KIF5C: variants seen among roughly 807,000 people sequenced by gnomAD.
KIF5C encodes the protein kinesin heavy chain isoform 5C.
A neutral mutation model predicts 125.2 loss-of-function variants in KIF5C; 18 were observed. That is an observed-to-expected ratio of 0.14 (90% confidence interval 0.10 to 0.21). KIF5C has a LOEUF of 0.21. KIF5C is among the 10% of genes least tolerant of loss of function. KIF5C has a pLI of 1.00. For missense variants in KIF5C, 780 were observed against 1,183.8 expected (o/e 0.66, Z 5.01); for synonymous variants, 405 against 434.0 (o/e 0.93, Z 0.83).
intron 16 of KIF5C, among the ~76,000 whole-genome samples, chr2:148,993,714 T>C (rs1184164713): frequency 6.6e-6 from 1 of 152,246 alleles, no homozygotes; most frequent in Non-Finnish European, 1.5e-5. Flanking sequence ...ATATTTTCCA[T>C]CTGCCTAGAA....
At chr2:148,904,967 T>C (rs1337983215) in intron 1 of KIF5C, among the ~76,000 whole-genome samples, 1 of 152,184 alleles carries the variant, frequency 6.6e-6, no homozygotes, top group East Asian at 1.9e-4. Flanking sequence ...TAGTGTTTAA[T>C]CTCTAATACT....
chr2:148,922,923 C>T (rs1012258795), intron 2 of KIF5C, among the ~76,000 whole-genome samples: 2 of 152,222 alleles, frequency 1.3e-5, no homozygotes, highest in African/African-American at 2.4e-5. Context: ...GTCAAAATAG[C>T]AGCAGGGAGA....
At chr2:148,964,453 G>A (rs1333129840) in intron 11 of KIF5C, among the ~76,000 whole-genome samples, 1 of 152,174 alleles carries the variant, frequency 6.6e-6, no homozygotes, top group Non-Finnish European at 1.5e-5. Context: ...AGGTGCTGGA[G>A]ATTAAAGGGT....
At position 149,024,711 on chromosome 2, in the gene KIF5C, G is replaced by A. The variant is rs747218504; in HGVS notation, c.*1641G>A. Reference sequence around the variant, plus strand: ...TTTTGTTTTTGGTGGGGAATAAGGAGAGAGAGGACGACAAATTCTATTGAA... The same window carrying A: ...TTTTGTTTTTGGTGGGGAATAAGGAAAGAGAGGACGACAAATTCTATTGAA... On this transcript the variant is annotated 3_prime_UTR_variant, in exon 26 of 26. Transcript: ENST00000435030. The A allele has an allele frequency of 1.3e-5, 2 of 152,438 alleles. No individual in the cohort carries two copies. The highest frequency in any genetic ancestry group is 6.6e-5 in the Admixed American group (1 of 15,266). The allele number at this position is 152,438 out of a possible 1,614,324, so 9.4% of individuals were successfully genotyped here. A position where few individuals can be genotyped will look rare whatever the true frequency, so the allele number is the denominator to read the frequency against.
chr2:148,905,696 T>TG (rs1156257876), intron 1 of KIF5C, among the ~76,000 whole-genome samples: 2 of 152,090 alleles, frequency 1.3e-5, no homozygotes, highest in African/African-American at 4.8e-5. Flanking sequence ...AAGGGAGAGA[T>TG]GGAGCCAGGG....
At chr2:148,933,222 C>T (rs2105094707) in intron 3 of KIF5C, among the ~76,000 whole-genome samples, 1 of 152,224 alleles carries the variant, frequency 6.6e-6, no homozygotes, top group East Asian at 1.9e-4. Flanking sequence ...GTCCCTCAAG[C>T]AAGCCATCCC....
chr2:148,930,339 T>TTG (rs1682148104), intron 3 of KIF5C, among the ~76,000 whole-genome samples: 1 of 151,988 alleles, frequency 6.6e-6, no homozygotes, highest in Admixed American at 6.5e-5. Flanking sequence ...TTTTTTTTTT[T>TTG]TCTTTAAATC....
At chr2:148,969,421 C>CTGTGTGTG (rs1453277661) in intron 11 of KIF5C, among the ~76,000 whole-genome samples, 10 of 74,542 alleles carry the variant, frequency 1.3e-4, no homozygotes, top group African/African-American at 5.2e-4. Context: ...GGAAGGTTTC[C>CTGTGTGTG]AGTGTGTGTG....
intron 1 of KIF5C, among the ~76,000 whole-genome samples, chr2:148,910,022 C>T (rs993198265): frequency 2.0e-5 from 3 of 152,120 alleles, no homozygotes; most frequent in African/African-American, 4.8e-5. Flanking sequence ...TAAGTGGCAG[C>T]TTTAATTTTG....
At chr2:148,991,741 C>T (rs1299775608) in intron 16 of KIF5C, among the ~76,000 whole-genome samples, 1 of 152,084 alleles carries the variant, frequency 6.6e-6, no homozygotes, top group Non-Finnish European at 1.5e-5. Flanking sequence ...AATGTCTGTC[C>T]AAACACCTAC....
At chr2:148,906,278 G>C (rs549197276) in intron 1 of KIF5C, among the ~76,000 whole-genome samples, 1 of 152,218 alleles carries the variant, frequency 6.6e-6, no homozygotes, top group Non-Finnish European at 1.5e-5. Flanking sequence ...TGAGTGCCTG[G>C]AGGGAACCAG....
At chr2:148,904,413 G>A (rs558210935) in intron 1 of KIF5C, among the ~76,000 whole-genome samples, 72 of 152,318 alleles carry the variant, frequency 4.7e-4, no homozygotes, top group Non-Finnish European at 8.8e-5. Context: ...TCGATCTCAC[G>A]AGTGTATTGT....
chr2:148,875,592 G>GGCCCCCCCC lies in KIF5C; in HGVS notation c.-26_-25insGCCCCCCCC. The GGCCCCCCCC allele has an allele frequency of 4.2e-6, 1 of 236,066 alleles. No homozygotes were observed. The highest frequency in any genetic ancestry group is 7.3e-6 in the Non-Finnish European group (1 of 136,158). 14.6% of individuals were successfully genotyped at this position (236,066 alleles called of 1,614,324 possible). A position where few individuals can be genotyped will look rare whatever the true frequency, so the allele number is the denominator to read the frequency against. Reference sequence around the variant, plus strand: ...CGGCCCCGGCCCCCCACCCATCCCCGTGCCCCCTCCCTACCGCCGGCCGAG... The same window carrying GGCCCCCCCC: ...CGGCCCCGGCCCCCCACCCATCCCCGGCCCCCCCCTGCCCCCTCCCTACCGCCGGCCGAG... On this transcript the variant is annotated 5_prime_UTR_variant, in exon 1 of 26. Coordinates refer to ENST00000435030, the MANE Select transcript of KIF5C (RefSeq NM_004522.3).
At position 149,010,226 on chromosome 2, in the gene KIF5C, G is replaced by C; in HGVS notation, c.2642G>C (p.Ser881Thr). 1.3e-6 allele frequency: 2 copies of C among 1,570,182 alleles called. No homozygotes were observed. The highest frequency in any genetic ancestry group is 8.6e-7 in the Non-Finnish European group (1 of 1,158,540). ...GCGGAGCGCGTCAAGGCTCTGGAGA[G>C]CGCGCTGAAGGAGGCCAAGGAGAAC... ...ATAERVKALE[S>T]ALKEAKENAM... The change falls in exon 24 of 26, where the codon AGC (serine) becomes ACC (threonine). Residue 881 changes from serine to threonine, a missense_variant. By Grantham distance (58) the Ser-to-Thr change is moderately conservative. Transcript: ENST00000435030.
chr2:148,959,641 T>C (rs1682878304), intron 10 of KIF5C, among the ~76,000 whole-genome samples: 1 of 152,116 alleles, frequency 6.6e-6, no homozygotes. Context: ...GGAAGTTGGG[T>C]TGCGCATCTT....
chr2:148,981,220 G>A (rs1348416292), intron 13 of KIF5C, 135 bp from the exon 14 acceptor site: 12 of 1,290,626 alleles, frequency 9.3e-6, no homozygotes, highest in African/African-American at 3.0e-5. Flanking sequence ...CATACAGTGG[G>A]GTTTCCCATC....
At chr2:148,932,051 A>T (rs571822132) in intron 3 of KIF5C, among the ~76,000 whole-genome samples, 3 of 152,252 alleles carry the variant, frequency 2.0e-5, no homozygotes, top group South Asian at 2.1e-4. Context: ...AAGGTAGGGG[A>T]TATTTTCAGA....
intron 1 of KIF5C, among the ~76,000 whole-genome samples, chr2:148,880,626 A>G (rs1681321547): frequency 2.6e-5 from 4 of 152,244 alleles, no homozygotes. Flanking sequence ...ATCTAAAAGC[A>G]GTAACATTTT....
chr2:148,962,053 G>C lies in KIF5C; in HGVS notation c.1051G>C (p.Glu351Gln). ...EWKKKYEKEK[E>Q]KNKTLKNVIQ... ...GAAGAAGAAATATGAAAAAGAGAAA[G>C]AGAAAAACAAGACTTTGAAGAATGT... The change falls in exon 11 of 26, where the codon GAG becomes CAG. Residue 351 changes from glutamate to glutamine, a missense_variant. Physicochemically the swap from Glu to Gln is conservative, Grantham distance 29. Coordinates refer to ENST00000435030, the MANE Select transcript of KIF5C (RefSeq NM_004522.3). 1 of 1,613,890 alleles carries C rather than the reference G, an allele frequency of 6.2e-7. No homozygotes were observed. The highest frequency in any genetic ancestry group is 8.5e-7 in the Non-Finnish European group (1 of 1,179,850).
Sources: allele counts gnomAD v4.1 joint callset (sites outside exome capture counted in the v4.1 genomes callset), GRCh38; gene constraint gnomAD v4.1.1; transcripts MANE v1.5; gene names NCBI Gene and HGNC (gene_info 2026-07-23, HGNC 2026-07-21).